Variants in MAML2 observed in about 807,000 individuals in gnomAD.
MAML2 encodes the protein mastermind like transcriptional coactivator 2, also known as mastermind-like protein 2.
MAML2 carries 22 observed loss-of-function variants against 96.1 expected under a neutral mutation model. The ratio of observed to expected loss-of-function variants is 0.23; its 90% CI spans 0.16 to 0.33. The LOEUF (loss-of-function observed/expected upper bound fraction) is 0.33, where lower values mean the gene tolerates loss of function less well. MAML2 is among the 10% of genes least tolerant of loss of function. The pLI is 1.00. For synonymous variants in MAML2, 561 were observed against 521.3 expected, an observed-to-expected ratio of 1.08 and a Z score of -1.04; for missense variants, 1,367 against 1,392.4, an observed-to-expected ratio of 0.98 and a Z score of 0.29.
intron 1 of MAML2, among the ~76,000 whole-genome samples, chr11:96,174,375 C>T (rs992891850): frequency 3.3e-5 from 5 of 152,076 alleles, no homozygotes; most frequent in African/African-American, 1.2e-4. Flanking sequence ...TAGACATTAC[C>T]TATTTCACTT....
At chr11:96,210,246 A>G (rs905908684) in intron 1 of MAML2, among the ~76,000 whole-genome samples, 2 of 152,104 alleles carry the variant, frequency 1.3e-5, no homozygotes, top group African/African-American at 4.8e-5. Flanking sequence ...AATAGCTGGG[A>G]TTACAGGCAC....
At chr11:96,135,669 G>A (rs1860619079) in intron 1 of MAML2, among the ~76,000 whole-genome samples, 1 of 150,438 alleles carries the variant, frequency 6.6e-6, no homozygotes, top group Non-Finnish European at 1.5e-5. Context: ...CTTACAATTT[G>A]TGTAGCTTTA....
chr11:96,084,406 A>G (rs1261590476), intron 2 of MAML2, among the ~76,000 whole-genome samples: 1 of 152,160 alleles, frequency 6.6e-6, no homozygotes, highest in Admixed American at 6.5e-5. Context: ...ATGAGAGGCA[A>G]GCAGGAACAA....
At chr11:96,318,375 C>T (rs904725079) in intron 1 of MAML2, among the ~76,000 whole-genome samples, 1 of 152,166 alleles carries the variant, frequency 6.6e-6, no homozygotes, top group African/African-American at 2.4e-5. Context: ...AACCTTATTT[C>T]TTAAGTTAAT....
At chr11:96,048,714 G>C (rs1555001592) in intron 2 of MAML2, among the ~76,000 whole-genome samples, 1 of 151,598 alleles carries the variant, frequency 6.6e-6, no homozygotes, top group African/African-American at 2.4e-5. Flanking sequence ...CCTTCTCTTA[G>C]ATTGGCATGA....
chr11:96,063,148 G>A (rs959039553), intron 2 of MAML2, among the ~76,000 whole-genome samples: 5 of 152,112 alleles, frequency 3.3e-5, no homozygotes, highest in African/African-American at 9.6e-5. Flanking sequence ...GGCCTTGCAC[G>A]CATTGCTCCT....
Position 95,994,309 on chromosome 11 carries a change from C to T in MAML2, c.2140-2586G>A, listed in dbSNP as rs76203870. The stretch of plus-strand genomic sequence containing the variant: ...TTGAGCAGCTTAAGGAAACCATCCT[C>T]TAATATATTTACACCCCTATGACCA... On this transcript the variant is annotated intron_variant, in intron 2 of 4. Coordinates refer to ENST00000524717, the MANE Select transcript of MAML2 (RefSeq NM_032427.4). 5.2e-3 allele frequency among the ~76,000 whole-genome samples: 793 copies of T among 152,288 alleles called. 12 individuals carry two copies. The highest frequency in any genetic ancestry group is 0.018 in the African/African-American group (745 of 41,554).
intron 1 of MAML2, among the ~76,000 whole-genome samples, chr11:96,098,201 A>G (rs1859864685): frequency 6.6e-6 from 1 of 152,208 alleles, no homozygotes; most frequent in Non-Finnish European, 1.5e-5. Flanking sequence ...AGTTCAGGCC[A>G]TCACTCCTGA....
chr11:96,165,570 G>T (rs1176671770), intron 1 of MAML2, among the ~76,000 whole-genome samples: 1 of 151,956 alleles, frequency 6.6e-6, no homozygotes, highest in African/African-American at 2.4e-5. Flanking sequence ...CTTTATTGAG[G>T]TATATTTCAC....
chr11:96,119,704 C>G (rs1485997772), intron 1 of MAML2, among the ~76,000 whole-genome samples: 2 of 152,196 alleles, frequency 1.3e-5, no homozygotes, highest in Non-Finnish European at 2.9e-5. Context: ...TTGGCTCTCT[C>G]TCTTAGAGCT....
chr11:96,040,898 T>C (rs1331311301), intron 2 of MAML2, among the ~76,000 whole-genome samples: 2 of 152,200 alleles, frequency 1.3e-5, no homozygotes, highest in African/African-American at 4.8e-5. Context: ...TTTATATAAA[T>C]GGAATTGTAT....
rs1829969305 is a variant in MAML2 at position 96,122,978 on chromosome 11, G to A, written c.514-29461C>T. Among the ~76,000 whole-genome samples, 3 of 152,238 alleles carry A rather than the reference G, an allele frequency of 2.0e-5. No homozygotes were observed. The South Asian group carries it at 6.2e-4, about 31-fold the overall frequency. On this transcript the variant is annotated intron_variant, in intron 1 of 4. Transcript: ENST00000524717. ...GTGATGTCATTCCCTTTCAGGGACT[G>A]TAGTTGACTCATGGGCTGGCTGAAT... is the stretch of plus-strand genomic sequence containing the variant.
intron 2 of MAML2, among the ~76,000 whole-genome samples, chr11:96,083,305 T>C (rs1472280789): frequency 1.3e-5 from 2 of 152,244 alleles, no homozygotes; most frequent in Non-Finnish European, 2.9e-5. Flanking sequence ...GTGCAGTTTT[T>C]TTCATGACTT....
intron 1 of MAML2, among the ~76,000 whole-genome samples, chr11:96,284,401 T>C (rs1480825128): frequency 6.6e-6 from 1 of 152,234 alleles, no homozygotes; most frequent in Non-Finnish European, 1.5e-5. Flanking sequence ...ATCTTCAGCC[T>C]GTTTTTCTTC....
rs112561533 is a variant in MAML2 at position 96,093,478 on chromosome 11, A to T, written c.553T>A (p.Ser185Thr). Residue 185 changes from serine to threonine, a missense_variant, in exon 2 of 5, where the codon TCT (serine) becomes ACT (threonine). Physicochemically the swap from Ser to Thr is moderately conservative, Grantham distance 58. Transcript: ENST00000524717. ...SLKRKQVVNL[S>T]PANSKRPNGF... is the part of the protein sequence containing the mutation. ...TTGGGTCGCTTGCTGTTGGCAGGAG[A>T]TAGGTTAACTACCTGTTTTCTTTTC... is the stretch of plus-strand genomic sequence containing the variant. The T allele has an allele frequency of 3.5e-4, 561 of 1,613,442 alleles. 5 individuals carry two copies. In the Middle Eastern group the frequency reaches 3.8e-3, roughly 11 times the overall value.
chr11:95,998,310 C>T (rs1212615735), intron 2 of MAML2, among the ~76,000 whole-genome samples: 1 of 152,156 alleles, frequency 6.6e-6, no homozygotes, highest in African/African-American at 2.4e-5. Context: ...GCTAAAATTA[C>T]AGAAACATTC....
At chr11:96,145,938 G>A (rs1041094720) in intron 1 of MAML2, among the ~76,000 whole-genome samples, 9 of 152,200 alleles carry the variant, frequency 5.9e-5, no homozygotes, top group African/African-American at 1.9e-4. Flanking sequence ...GAACCTGGGA[G>A]GCGGAGGTTG....
chr11:96,029,006 A>G (rs745595296), intron 2 of MAML2, among the ~76,000 whole-genome samples: 1 of 152,184 alleles, frequency 6.6e-6, no homozygotes, highest in African/African-American at 2.4e-5. Flanking sequence ...GGAAATCCTG[A>G]AAGTCAGAGG....
intron 1 of MAML2, among the ~76,000 whole-genome samples, chr11:96,297,351 G>A: frequency 6.6e-6 from 1 of 152,160 alleles, no homozygotes; most frequent in East Asian, 1.9e-4. Flanking sequence ...AAGGCAGGCG[G>A]ATCACTTGAG....
Sources: gnomAD v4.1 joint callset for allele counts (sites outside exome capture counted in the v4.1 genomes callset) on GRCh38, gnomAD v4.1.1 for gene constraint, MANE v1.5 for transcripts, NCBI Gene and HGNC (gene_info 2026-07-23, HGNC 2026-07-21) for gene names.